Variants in CYP7B1 observed in about 807,000 individuals in gnomAD.
CYP7B1 encodes cytochrome P450 7B1.
A neutral mutation model predicts 42.7 loss-of-function variants in CYP7B1; 29 were observed. The observed-to-expected ratio is 0.68, with a 90% confidence interval of 0.51 to 0.93. CYP7B1 has a LOEUF of 0.93. CYP7B1 is among the 40% of genes least tolerant of loss of function. CYP7B1 has a pLI of 0.00. For missense variants in CYP7B1, 655 were observed against 600.5 expected, an observed-to-expected ratio of 1.09 and a Z score of -0.95; for synonymous variants, 235 against 218.2, an observed-to-expected ratio of 1.08 and a Z score of -0.68.
chr8:64,669,731 A>G (rs1806337512), intron 1 of CYP7B1, among the ~76,000 whole-genome samples: 1 of 150,790 alleles, frequency 6.6e-6, no homozygotes, highest in African/African-American at 2.5e-5. Context: ...ATACATACAC[A>G]CACACACACA....
At chr8:64,699,502 T>A (rs1806880497) in intron 1 of CYP7B1, among the ~76,000 whole-genome samples, 1 of 152,120 alleles carries the variant, frequency 6.6e-6, no homozygotes, top group Non-Finnish European at 1.5e-5. Context: ...TTAAAACCAA[T>A]GACATTCAAG....
At chr8:64,619,919 T>C (rs1320688922) in intron 2 of CYP7B1, among the ~76,000 whole-genome samples, 1 of 151,980 alleles carries the variant, frequency 6.6e-6, no homozygotes, top group African/African-American at 2.4e-5. Flanking sequence ...CTGCTTGGCA[T>C]AGAAATGTCC....
chr8:64,636,094 A>T (rs532230953), intron 1 of CYP7B1, among the ~76,000 whole-genome samples: 1 of 152,284 alleles, frequency 6.6e-6, no homozygotes, highest in East Asian at 1.9e-4. Context: ...GGCCCCACAA[A>T]CGATGAATGA....
chr8:64,634,872 A>T (rs936663591), intron 1 of CYP7B1, among the ~76,000 whole-genome samples: 1 of 152,136 alleles, frequency 6.6e-6, no homozygotes, highest in African/African-American at 2.4e-5. Flanking sequence ...ACACAGTGCA[A>T]CCTAAGGATA....
At chr8:64,647,582 T>C (rs2129631126) in intron 1 of CYP7B1, among the ~76,000 whole-genome samples, 1 of 152,262 alleles carries the variant, frequency 6.6e-6, no homozygotes, top group East Asian at 1.9e-4. Flanking sequence ...AAACTAACAA[T>C]ATAATTCAGT....
intron 1 of CYP7B1, among the ~76,000 whole-genome samples, chr8:64,699,451 C>T (rs556004619): frequency 6.6e-6 from 1 of 151,976 alleles, no homozygotes; most frequent in Admixed American, 6.6e-5. Context: ...TTAGATCATC[C>T]AGGAATAAGG....
At chr8:64,764,275 C>G (rs983879463) in intron 1 of CYP7B1, among the ~76,000 whole-genome samples, 11 of 125,412 alleles carry the variant, frequency 8.8e-5, no homozygotes, top group Non-Finnish European at 1.8e-4. Flanking sequence ...AATCTCCAAG[C>G]CTTGGCTCCT....
At chr8:64,719,251 A>G (rs1226524557) in intron 1 of CYP7B1, among the ~76,000 whole-genome samples, 5 of 152,178 alleles carry the variant, frequency 3.3e-5, no homozygotes, top group Admixed American at 3.3e-4. Flanking sequence ...ACCACTTAAA[A>G]TATATTAAAT....
At chr8:64,770,948 T>C (rs778798740) in intron 1 of CYP7B1, among the ~76,000 whole-genome samples, 2 of 151,728 alleles carry the variant, frequency 1.3e-5, no homozygotes, top group Admixed American at 6.6e-5. Flanking sequence ...TTAGTTGACA[T>C]GGTTTAGAGC....
chr8:64,780,280 C>T (rs561744394), intron 1 of CYP7B1, among the ~76,000 whole-genome samples: 10 of 152,152 alleles, frequency 6.6e-5, no homozygotes, highest in African/African-American at 2.4e-4. Context: ...CATTCATTCA[C>T]CCTTCATTCT....
At chr8:64,605,670 AG>A (rs1687706276) in intron 4 of CYP7B1, among the ~76,000 whole-genome samples, 2 of 152,152 alleles carry the variant, frequency 1.3e-5, no homozygotes, top group Non-Finnish European at 2.9e-5. Context: ...GCTCCTGTCT[AG>A]GTCTGCATCT....
rs1369783611 is a variant in CYP7B1, at chr8:64,595,848, AATGAT to A, written c.*789_*793del. 1.3e-5 allele frequency among the ~76,000 whole-genome samples: 2 copies of A among 152,222 alleles called. No homozygotes were observed. The highest frequency in any genetic ancestry group is 2.9e-5 in the Non-Finnish European group (2 of 68,040). On this transcript the variant is annotated 3_prime_UTR_variant, in exon 6 of 6. Coordinates refer to ENST00000310193, the MANE Select transcript of CYP7B1 (RefSeq NM_004820.5). ...ACCTGTATAGTTTATACTAAAGCCA[AATGAT>A]ATAATCAATGCTGTAATTATTTCAA... is the stretch of plus-strand genomic sequence containing the variant.
At chr8:64,759,680 A>G (rs1807857494) in intron 1 of CYP7B1, among the ~76,000 whole-genome samples, 1 of 152,220 alleles carries the variant, frequency 6.6e-6, no homozygotes, top group Non-Finnish European at 1.5e-5. Context: ...CATGGAATAC[A>G]AAATTCTTTA....
At chr8:64,779,066 T>C (rs1391526903) in intron 1 of CYP7B1, among the ~76,000 whole-genome samples, 1 of 150,828 alleles carries the variant, frequency 6.6e-6, no homozygotes, top group Non-Finnish European at 1.5e-5. Context: ...ATTCATATCA[T>C]ACTTACATTT....
chr8:64,736,795 G>C (rs752371966), intron 1 of CYP7B1, among the ~76,000 whole-genome samples: 4 of 151,818 alleles, frequency 2.6e-5, no homozygotes, highest in Non-Finnish European at 5.9e-5. Context: ...TTATTTTCTT[G>C]CTCTCTTTTA....
intron 4 of CYP7B1, among the ~76,000 whole-genome samples, chr8:64,605,613 T>C (rs528271018): frequency 6.6e-6 from 1 of 152,218 alleles, no homozygotes; most frequent in African/African-American, 2.4e-5. Flanking sequence ...GGGAATAATA[T>C]GCATAATTTG....
intron 1 of CYP7B1, among the ~76,000 whole-genome samples, chr8:64,797,710 A>G (rs1183096249): frequency 6.6e-6 from 1 of 152,196 alleles, no homozygotes; most frequent in African/African-American, 2.4e-5. Flanking sequence ...TCATCCAACA[A>G]AATGCATCCG....
chr8:64,770,008 T>C (rs2129637747), intron 1 of CYP7B1, among the ~76,000 whole-genome samples: 1 of 152,174 alleles, frequency 6.6e-6, no homozygotes, highest in East Asian at 1.9e-4. Context: ...ATCTTTATTG[T>C]TAATAGTCTC....
intron 1 of CYP7B1, among the ~76,000 whole-genome samples, chr8:64,748,183 T>C (rs1807674607): frequency 6.6e-6 from 1 of 152,156 alleles, no homozygotes; most frequent in African/African-American, 2.4e-5. Context: ...TGCCCAGGAC[T>C]GAAGCACCTG....
Sources: gnomAD v4.1 joint callset for allele counts (sites outside exome capture counted in the v4.1 genomes callset) on GRCh38, gnomAD v4.1.1 for gene constraint, MANE v1.5 for transcripts, NCBI Gene and HGNC (gene_info 2026-07-23, HGNC 2026-07-21) for gene names.